PTPRD: variants seen among roughly 807,000 people sequenced by gnomAD.
PTPRD encodes the protein receptor-type tyrosine-protein phosphatase delta.
Under a neutral mutation model 214.5 loss-of-function variants are expected in PTPRD, and 34 were observed. That is an observed-to-expected ratio of 0.16 (90% CI 0.12 to 0.21). The LOEUF is 0.21. Among genes scored for constraint, PTPRD ranks in the 10% least tolerant of loss-of-function variants. PTPRD has a pLI of 1.00. For missense variants in PTPRD, 2,545 were observed against 2,398.7 expected (o/e 1.06, Z -1.27); for synonymous variants, 1,128 against 845.7 (o/e 1.33, Z -5.79).
intron 2 of PTPRD, among the ~76,000 whole-genome samples, chr9:10,417,954 A>T (rs1314918764): frequency 6.6e-6 from 1 of 151,802 alleles, no homozygotes; most frequent in Non-Finnish European, 1.5e-5. Context: ...CACTGTGAAT[A>T]TATCATTTTA....
chr9:8,967,425 G>A (rs186047823), intron 11 of PTPRD, among the ~76,000 whole-genome samples: 1 of 152,222 alleles, frequency 6.6e-6, no homozygotes, highest in East Asian at 1.9e-4. Context: ...CAGCACAGAT[G>A]CCCCATTAAC....
Position 9,963,877 on chromosome 9 carries a change from G to A in PTPRD, c.-471-25267C>T, listed in dbSNP as rs534748241. ...AAACTAAACACTTGGATTCACAAAC[G>A]TTTTAAGTCCAAGTGAAGTTCTTAT... On this transcript the variant is annotated intron_variant, in intron 4 of 45. Coordinates refer to ENST00000381196, the MANE Select transcript of PTPRD (RefSeq NM_002839.4). 5.9e-5 allele frequency among the ~76,000 whole-genome samples: 9 copies of A among 152,264 alleles called. No homozygotes were observed. In the South Asian group the frequency reaches 1.2e-3, roughly 21 times the overall value.
intron 3 of PTPRD, among the ~76,000 whole-genome samples, chr9:10,260,440 T>C (rs1384161456): frequency 1.3e-5 from 2 of 152,186 alleles, no homozygotes; most frequent in African/African-American, 2.4e-5. Context: ...GAGTTTCCCA[T>C]AGGTAATCTC....
chr9:9,894,738 T>C (rs10125907), intron 5 of PTPRD, among the ~76,000 whole-genome samples: 41,924 of 151,918 alleles, frequency 0.28, 6,990 homozygotes, highest in East Asian at 0.44. Context: ...ATATATTCTA[T>C]GCATTCGGAG....
At chr9:10,418,878 T>C (rs1162322055) in intron 2 of PTPRD, among the ~76,000 whole-genome samples, 3 of 151,854 alleles carry the variant, frequency 2.0e-5, no homozygotes, top group African/African-American at 7.2e-5. Flanking sequence ...ATTTCCTGTT[T>C]CACTTTTATT....
rs138247537 is a variant in PTPRD, at chr9:8,340,870, G to A, written c.5126+220C>T. The stretch of plus-strand genomic sequence containing the variant: ...TTATTAACTACTTACATATCCAATT[G>A]GCTTATGAAAGAAGAGTGCAGAAGG... On this transcript the variant is annotated intron_variant, in intron 41 of 45. Coordinates refer to ENST00000381196, the MANE Select transcript of PTPRD (RefSeq NM_002839.4). Among the ~76,000 whole-genome samples the A allele has an allele frequency of 1.4e-4, 22 of 152,026 alleles. No homozygotes were observed. The East Asian group carries it at 1.6e-3, about 11-fold the overall frequency.
intron 2 of PTPRD, among the ~76,000 whole-genome samples, chr9:10,362,330 A>G (rs1194780852): frequency 1.7e-5 from 2 of 117,254 alleles, no homozygotes; most frequent in Admixed American, 2.1e-4. Context: ...ATCCTCTGAC[A>G]GAGAAATTTT....
intron 11 of PTPRD, among the ~76,000 whole-genome samples, chr9:8,817,920 C>T (rs2096955327): frequency 6.6e-6 from 1 of 152,160 alleles, no homozygotes; most frequent in Admixed American, 6.6e-5. Flanking sequence ...AATAAAACTA[C>T]AGTTAGTTGC....
intron 39 of PTPRD, among the ~76,000 whole-genome samples, chr9:8,342,759 G>T (rs1200983033): frequency 6.6e-6 from 1 of 152,028 alleles, no homozygotes; most frequent in Admixed American, 6.6e-5. Context: ...TGAAATAGGG[G>T]ATACGACATA....
At chr9:9,839,381 A>G (rs2057714870) in intron 5 of PTPRD, among the ~76,000 whole-genome samples, 1 of 152,202 alleles carries the variant, frequency 6.6e-6, no homozygotes, top group African/African-American at 2.4e-5. Flanking sequence ...AATGTACAAA[A>G]ATCACAAGCA....
chr9:9,968,043 A>G (rs779021915), intron 4 of PTPRD, among the ~76,000 whole-genome samples: 1 of 152,188 alleles, frequency 6.6e-6, no homozygotes, highest in Non-Finnish European at 1.5e-5. Flanking sequence ...TCTCACGCAT[A>G]TCATAATGAC....
chr9:8,838,852 G>C (rs950579338), intron 11 of PTPRD, among the ~76,000 whole-genome samples: 1 of 151,790 alleles, frequency 6.6e-6, no homozygotes, highest in Non-Finnish European at 1.5e-5. Flanking sequence ...AACAAAATCA[G>C]ATTGAAATCA....
At chr9:9,931,230 G>GTCC (rs2086385348) in intron 5 of PTPRD, among the ~76,000 whole-genome samples, 1 of 152,158 alleles carries the variant, frequency 6.6e-6, no homozygotes, top group Non-Finnish European at 1.5e-5. Flanking sequence ...GAGCCAAGAT[G>GTCC]GCCGAATAGG....
At chr9:10,406,074 A>G (rs1463994152) in intron 2 of PTPRD, among the ~76,000 whole-genome samples, 1 of 151,328 alleles carries the variant, frequency 6.6e-6, no homozygotes, top group Non-Finnish European at 1.5e-5. Context: ...GATATATTCT[A>G]ATGTATATTA....
chr9:10,597,795 T>C (rs901909685), intron 2 of PTPRD, among the ~76,000 whole-genome samples: 2 of 151,808 alleles, frequency 1.3e-5, no homozygotes, highest in Non-Finnish European at 2.9e-5. Flanking sequence ...ACACCTAGAA[T>C]GTCAGCAAGA....
Position 10,107,178 on chromosome 9 carries a change from G to C in PTPRD, c.-544-73388C>G, listed in dbSNP as rs141724063. 4.2e-3 allele frequency among the ~76,000 whole-genome samples: 637 copies of C among 152,058 alleles called. 2 individuals carry two copies. The highest frequency in any genetic ancestry group is 7.5e-3 in the Non-Finnish European group (509 of 67,964). ...GGATAACAAAAATGAAAGTGGACTT[G>C]GCAGATGGAAACGGTAAATGAAATA... is the stretch of plus-strand genomic sequence containing the variant. On this transcript the variant is annotated intron_variant, in intron 3 of 45. Coordinates refer to ENST00000381196, the MANE Select transcript of PTPRD (RefSeq NM_002839.4).
At chr9:8,434,842 T>C (rs1235324076) in intron 35 of PTPRD, among the ~76,000 whole-genome samples, 1 of 152,156 alleles carries the variant, frequency 6.6e-6, no homozygotes, top group African/African-American at 2.4e-5. Flanking sequence ...AAGCCCTAAA[T>C]TAGAAACTAT....
chr9:8,838,667 T>A (rs908556554), intron 11 of PTPRD, among the ~76,000 whole-genome samples: 8 of 152,154 alleles, frequency 5.3e-5, no homozygotes, highest in Non-Finnish European at 8.8e-5. Context: ...GAATTTATTA[T>A]ATGGTTTAGT....
intron 2 of PTPRD, among the ~76,000 whole-genome samples, chr9:10,497,272 G>A (rs2042345210): frequency 6.6e-6 from 1 of 151,906 alleles, no homozygotes; most frequent in African/African-American, 2.4e-5. Context: ...CGGTAAACCT[G>A]TACCTGTATC....
Sources: gnomAD v4.1 joint callset for allele counts (sites outside exome capture counted in the v4.1 genomes callset) on GRCh38, gnomAD v4.1.1 for gene constraint, MANE v1.5 for transcripts, NCBI Gene and HGNC (gene_info 2026-07-23, HGNC 2026-07-21) for gene names.